Variants in KIAA1958 observed in about 807,000 individuals in gnomAD.
The protein encoded by KIAA1958 is uncharacterized protein KIAA1958.
A neutral mutation model predicts 47.2 loss-of-function variants in KIAA1958; 14 were observed. That is an observed-to-expected ratio of 0.30 (90% CI 0.20 to 0.46). KIAA1958 has a LOEUF of 0.46. Ranked by LOEUF, KIAA1958 falls within the 20% of genes least tolerant of loss-of-function variation. The probability of loss-of-function intolerance (pLI) is 1.00; values close to 1 mark genes in which losing one functional copy is unlikely to be tolerated. For missense variants in KIAA1958, 803 were observed against 909.2 expected (o/e 0.88, Z 1.50); for synonymous variants, 354 against 353.3 (o/e 1.00, Z -0.02).
At chr9:112,621,783 C>CT (rs780394763) in intron 2 of KIAA1958, among the ~76,000 whole-genome samples, 33 of 152,190 alleles carry the variant, frequency 2.2e-4, no homozygotes, top group Non-Finnish European at 2.8e-4. Context: ...GGGTCTTGCT[C>CT]TGTCACCCAG....
intron 1 of KIAA1958, among the ~76,000 whole-genome samples, chr9:112,531,201 C>T (rs1213027206): frequency 6.6e-6 from 1 of 152,100 alleles, no homozygotes; most frequent in African/African-American, 2.4e-5. Flanking sequence ...CCAGCTTGAC[C>T]AACATGGAGA....
intron 2 of KIAA1958, among the ~76,000 whole-genome samples, chr9:112,600,486 T>G (rs1836111367): frequency 6.6e-6 from 1 of 152,214 alleles, no homozygotes; most frequent in Non-Finnish European, 1.5e-5. Flanking sequence ...ATTCTACCCT[T>G]GTTTAGAACT....
chr9:112,592,933 A>T (rs928362720), intron 2 of KIAA1958, among the ~76,000 whole-genome samples: 5 of 152,228 alleles, frequency 3.3e-5, no homozygotes, highest in African/African-American at 1.2e-4. Flanking sequence ...TAAAACTGTC[A>T]AAACTATGTA....
intron 1 of KIAA1958, among the ~76,000 whole-genome samples, chr9:112,567,208 C>T (rs887969001): frequency 2.0e-5 from 3 of 152,078 alleles, no homozygotes; most frequent in African/African-American, 4.8e-5. Context: ...CCCCAGCTCC[C>T]TAAGACAGGG....
chr9:112,619,405 A>T (rs1836461185), intron 2 of KIAA1958, among the ~76,000 whole-genome samples: 1 of 152,228 alleles, frequency 6.6e-6, no homozygotes. Flanking sequence ...GCAAAACTGT[A>T]TTCAGCTAGA....
At chr9:112,496,718 C>G (rs1227515881) in intron 1 of KIAA1958, among the ~76,000 whole-genome samples, 1 of 152,124 alleles carries the variant, frequency 6.6e-6, no homozygotes, top group Non-Finnish European at 1.5e-5. Context: ...TTCCTAAAGC[C>G]TCTTAGGTTC....
At position 112,561,381 on chromosome 9, in the gene KIAA1958, G is replaced by A. The variant is rs182804893; in HGVS notation, c.-24-12676G>A. ...TCTTTGCAAAATTCTTAATAGAACT[G>A]CAGCAAAATTATTTCTTGTATCATT... On this transcript the variant is annotated intron_variant, in intron 1 of 3. Coordinates refer to ENST00000337530, the MANE Select transcript of KIAA1958 (RefSeq NM_133465.4). Among the ~76,000 whole-genome samples, 5 of 152,160 alleles carry A rather than the reference G, an allele frequency of 3.3e-5. No homozygotes were observed. In the East Asian group the frequency reaches 9.7e-4, roughly 29 times the overall value.
rs556992194 is a variant in KIAA1958 at position 112,669,152 on chromosome 9, G to A, written c.*9083G>A. 2.6e-5 allele frequency: 4 copies of A among 152,216 alleles called. No individual in the cohort carries two copies. The highest frequency in any genetic ancestry group is 2.0e-4 in the Admixed American group (3 of 15,280). The allele number at this position is 152,216 out of a possible 1,614,324, so 9.4% of individuals were successfully genotyped here. On this transcript the variant is annotated 3_prime_UTR_variant, in exon 4 of 4. Transcript: ENST00000337530. ...CCTGTGCATACATCCCTGTGCATGTGGGGGCACATGAGTGGGAAAGTGGGT... is the reference window on the plus strand; with the variant it reads ...CCTGTGCATACATCCCTGTGCATGTAGGGGCACATGAGTGGGAAAGTGGGT...
At position 112,561,236 on chromosome 9, in the gene KIAA1958, A is replaced by T. The variant is rs532673535; in HGVS notation, c.-24-12821A>T. On this transcript the variant is annotated intron_variant, in intron 1 of 3. Coordinates refer to ENST00000337530, the MANE Select transcript of KIAA1958 (RefSeq NM_133465.4). ...CACCCGGCTAATTTTTTGTATTTTT[A>T]GTAGAGACGGGGTTTCACCGTGTTA... is the stretch of plus-strand genomic sequence containing the variant. Among the ~76,000 whole-genome samples, 5 of 151,898 alleles carry T rather than the reference A, an allele frequency of 3.3e-5. No homozygotes were observed. In the South Asian group the frequency reaches 6.3e-4, roughly 19 times the overall value.
chr9:112,540,394 A>G (rs1834921486), intron 1 of KIAA1958, among the ~76,000 whole-genome samples: 2 of 152,216 alleles, frequency 1.3e-5, no homozygotes, highest in South Asian at 2.1e-4. Context: ...GCACACATAT[A>G]GATGGATAGA....
intron 2 of KIAA1958, among the ~76,000 whole-genome samples, chr9:112,593,055 G>A (rs576509801): frequency 5.3e-5 from 8 of 152,308 alleles, no homozygotes; most frequent in Non-Finnish European, 1.0e-4. Context: ...TGAAGAGTAG[G>A]AATTGAAAGA....
Position 112,613,657 on chromosome 9 carries a change from A to G in KIAA1958, c.1172-31993A>G, listed in dbSNP as rs544833328. ...AAAAAGCAGACAATCCAGTAGATAA[A>G]TGGACAAAATATTTGAACGGGCACT... On this transcript the variant is annotated intron_variant, in intron 2 of 3. Coordinates refer to ENST00000337530, the MANE Select transcript of KIAA1958 (RefSeq NM_133465.4). Among the ~76,000 whole-genome samples, 5 of 152,326 alleles carry G rather than the reference A, an allele frequency of 3.3e-5. No individual in the cohort carries two copies. In the South Asian group the frequency reaches 1.0e-3, roughly 32 times the overall value.
chr9:112,537,246 C>T (rs1179320366), intron 1 of KIAA1958, among the ~76,000 whole-genome samples: 1 of 152,148 alleles, frequency 6.6e-6, no homozygotes, highest in Non-Finnish European at 1.5e-5. Context: ...ACTGGAACTA[C>T]AGGCACAAGC....
chr9:112,607,033 G>A lies in KIAA1958; in HGVS notation c.1171+31782G>A, dbSNP rs10981456. Reference sequence around the variant, plus strand: ...ATATAAAGAAGGGGTGCTGAATGCAGTGATGAGACTGGAATTTGAATATGG... The same window carrying A: ...ATATAAAGAAGGGGTGCTGAATGCAATGATGAGACTGGAATTTGAATATGG... On this transcript the variant is annotated intron_variant, in intron 2 of 3. Coordinates refer to ENST00000337530, the MANE Select transcript of KIAA1958 (RefSeq NM_133465.4). Among the ~76,000 whole-genome samples, 1,439 of 152,298 alleles carry A rather than the reference G, an allele frequency of 9.4e-3. 17 individuals carry two copies. Among genetic ancestry groups the A allele is most frequent in the African/African-American group, 0.028 (1,163 of 41,558 alleles).
intron 1 of KIAA1958, among the ~76,000 whole-genome samples, chr9:112,548,652 A>G (rs1377037542): frequency 6.6e-6 from 1 of 152,206 alleles, no homozygotes; most frequent in African/African-American, 2.4e-5. Context: ...TCTTTAAGGT[A>G]ACATTGACTC....
chr9:112,614,811 T>C (rs2131213627), intron 2 of KIAA1958, among the ~76,000 whole-genome samples: 1 of 152,304 alleles, frequency 6.6e-6, no homozygotes, highest in East Asian at 1.9e-4. Context: ...TCAGTCATCT[T>C]TGTGTATGTT....
chr9:112,621,983 C>A (rs540623326), intron 2 of KIAA1958, among the ~76,000 whole-genome samples: 3 of 152,182 alleles, frequency 2.0e-5, no homozygotes, highest in Non-Finnish European at 4.4e-5. Context: ...CTCAAGAGAT[C>A]CTCCTGCCTT....
chr9:112,506,471 A>G (rs1162189452), intron 1 of KIAA1958, among the ~76,000 whole-genome samples: 2 of 152,140 alleles, frequency 1.3e-5, no homozygotes, highest in African/African-American at 2.4e-5. Context: ...AAAACAAAAC[A>G]AAAAACAAAT....
intron 1 of KIAA1958, among the ~76,000 whole-genome samples, chr9:112,509,358 G>A (rs1834285894): frequency 6.6e-6 from 1 of 152,038 alleles, no homozygotes; most frequent in Admixed American, 6.6e-5. Context: ...GTGCCACCAT[G>A]CCCGGCTAAT....
Sources: allele counts gnomAD v4.1 joint callset (sites outside exome capture counted in the v4.1 genomes callset), GRCh38; gene constraint gnomAD v4.1.1; transcripts MANE v1.5; gene names NCBI Gene and HGNC (gene_info 2026-07-23, HGNC 2026-07-21).